Variants in CCDC186 observed in about 807,000 individuals in gnomAD.
CCDC186 encodes the protein coiled-coil domain containing 186.
In CCDC186, 49 loss-of-function variants were observed where a neutral mutation model predicts 113.7. That is an observed-to-expected ratio of 0.43 (90% CI 0.34 to 0.55). The LOEUF (loss-of-function observed/expected upper bound fraction) is 0.55. Among genes scored for constraint, CCDC186 ranks in the 20% least tolerant of loss-of-function variants. CCDC186 has a pLI of 0.02. For missense variants in CCDC186, 890 were observed against 1,011.1 expected (o/e 0.88, Z 1.62); for synonymous variants, 355 against 345.8 (o/e 1.03, Z -0.30).
chr10:114,125,290 C>A, intron 15 of CCDC186, 64 bp from the exon 16 acceptor site: 1 of 1,252,432 alleles, frequency 8.0e-7, no homozygotes, highest in Non-Finnish European at 1.1e-6. Context: ...TAAAACAATT[C>A]AGTTTGAACT....
At chr10:114,164,136 T>G (rs946996081) in intron 1 of CCDC186, among the ~76,000 whole-genome samples, 1 of 143,972 alleles carries the variant, frequency 6.9e-6, no homozygotes, top group Non-Finnish European at 1.5e-5. Flanking sequence ...TTTTTTTTTT[T>G]TGGGATAGAG....
At chr10:114,144,428 AAAAC>A in intron 6 of CCDC186, 65 bp downstream of exon 6, 1 of 1,530,452 alleles carries the variant, frequency 6.5e-7, no homozygotes, top group South Asian at 1.3e-5. Flanking sequence ...TCTCAAAAAA[AAAAC>A]AAAAACAAAA....
intron 6 of CCDC186, among the ~76,000 whole-genome samples, chr10:114,139,203 C>CT (rs78214340): frequency 0.12 from 15,671 of 134,122 alleles, 929 homozygotes; most frequent in Middle Eastern, 0.16. Flanking sequence ...CCCTTTGTTC[C>CT]TTTTTTTTTT....
intron 3 of CCDC186, among the ~76,000 whole-genome samples, chr10:114,156,606 A>T (rs1290626669): frequency 6.6e-6 from 1 of 152,198 alleles, no homozygotes; most frequent in Non-Finnish European, 1.5e-5. Context: ...GGCCGCCTAT[A>T]ATCCCAGGTA....
intron 4 of CCDC186, among the ~76,000 whole-genome samples, chr10:114,148,537 T>C (rs1040056156): frequency 2.0e-5 from 3 of 152,214 alleles, no homozygotes; most frequent in African/African-American, 7.2e-5. Flanking sequence ...ATATGAAGTG[T>C]AGCTTCTACA....
Position 114,157,659 on chromosome 10 carries a change from C to T in CCDC186, c.654G>A (p.Lys218=). The T allele has an allele frequency of 1.3e-6, 2 of 1,591,880 alleles. No individual in the cohort carries two copies. Among genetic ancestry groups the T allele is most frequent in the South Asian group, 2.3e-5 (2 of 86,878 alleles). Residue 218 remains lysine (K), a synonymous_variant, in exon 3 of 16, where the codon AAG becomes AAA. Transcript: ENST00000369287. The stretch of plus-strand genomic sequence containing the variant: ...AAATGTCTACGAAGAGCTCCTGATG[C>T]TTCTTATTTTCTTTAATTAACCTAA... The part of the protein sequence containing the change: ...IIKKLIKENK[K]HQELFVDICS...
chr10:114,145,018 T>C (rs2031591468), intron 5 of CCDC186, among the ~76,000 whole-genome samples: 1 of 152,096 alleles, frequency 6.6e-6, no homozygotes, highest in Admixed American at 6.5e-5. Flanking sequence ...CCTGGAAATA[T>C]GACCATTGAG....
intron 3 of CCDC186, among the ~76,000 whole-genome samples, chr10:114,155,114 T>C (rs113286754): frequency 1.3e-5 from 2 of 152,360 alleles, no homozygotes; most frequent in African/African-American, 4.8e-5. Context: ...AAGTGACTAC[T>C]AATGTGTGTT....
intron 4 of CCDC186, among the ~76,000 whole-genome samples, chr10:114,149,810 A>AAGGAAGGC (rs1478592932): frequency 2.0e-4 from 12 of 60,280 alleles, no homozygotes; most frequent in Admixed American, 6.7e-4. Flanking sequence ...GGAAGGAAGG[A>AAGGAAGGC]AGGAAGGCAG....
chr10:114,159,698 T>C (rs955342090), intron 2 of CCDC186, among the ~76,000 whole-genome samples: 11 of 150,490 alleles, frequency 7.3e-5, no homozygotes, highest in Non-Finnish European at 1.5e-4. Context: ...TGCATGCCTG[T>C]AATCCTGGCA....
chr10:114,170,229 G>A (rs2032453354), intron 1 of CCDC186, among the ~76,000 whole-genome samples: 2 of 151,876 alleles, frequency 1.3e-5, no homozygotes, highest in South Asian at 4.2e-4. Flanking sequence ...AAAACTGAGA[G>A]GGCTATTTCA....
At position 114,149,850 on chromosome 10, in the gene CCDC186, C is replaced by A. The variant is rs144110395; in HGVS notation, c.888+1242G>T. Among the ~76,000 whole-genome samples, 509 of 117,396 alleles carry A rather than the reference C, an allele frequency of 4.3e-3. 22 individuals carry two copies. The highest frequency in any genetic ancestry group is 0.019 in the African/African-American group (483 of 25,286). 77.0% of individuals were successfully genotyped at this position (117,396 alleles called of 152,430 possible). The stretch of plus-strand genomic sequence containing the variant: ...GCAGGAAGGCAGGAAGGCAGGCAGG[C>A]AGGCAGGAAGGCAGGCAGGCAGGCA... On this transcript the variant is annotated intron_variant, in intron 4 of 15. Coordinates refer to ENST00000369287, the MANE Select transcript of CCDC186 (RefSeq NM_018017.4).
intron 4 of CCDC186, 69 bp from the exon 5 acceptor site, chr10:114,145,830 G>T: frequency 1.5e-6 from 2 of 1,359,902 alleles, no homozygotes; most frequent in Non-Finnish European, 2.0e-6. Context: ...TGAAATACAT[G>T]GTATTTGTCT....
chr10:114,149,448 T>G (rs924419548), intron 4 of CCDC186, among the ~76,000 whole-genome samples: 1 of 152,008 alleles, frequency 6.6e-6, no homozygotes, highest in African/African-American at 2.4e-5. Flanking sequence ...GAAGACTTTT[T>G]CAAATGTTTG....
chr10:114,144,797 C>T (rs191169224), intron 5 of CCDC186, among the ~76,000 whole-genome samples, 181 bp from the exon 6 acceptor site: 281 of 152,072 alleles, frequency 1.8e-3, no homozygotes, highest in African/African-American at 6.3e-3. Flanking sequence ...ATCCTAAATC[C>T]AATTAATAGA....
intron 3 of CCDC186, among the ~76,000 whole-genome samples, 186 bp from the exon 4 acceptor site, chr10:114,151,406 ATTAAG>A: frequency 6.6e-6 from 1 of 152,212 alleles, no homozygotes; most frequent in Non-Finnish European, 1.5e-5. Flanking sequence ...TGGAGATTCC[ATTAAG>A]TTAAGGTATC....
In CCDC186 at chr10:114,124,853, C is replaced by T. The variant is rs2119667670; in HGVS notation, c.*290G>A. ...ATGAACAAAGGGTTTTTTATAAAAG[C>T]CCTTGTAATGTTCAACACTTCTTAT... is the stretch of plus-strand genomic sequence containing the variant. On this transcript the variant is annotated 3_prime_UTR_variant, in exon 16 of 16. Transcript: ENST00000369287. 1 of 278,198 alleles carries T rather than the reference C, an allele frequency of 3.6e-6. No individual in the cohort carries two copies. The highest frequency in any genetic ancestry group is 1.6e-4 in the South Asian group (1 of 6,198). 17.2% of individuals were successfully genotyped at this position (278,198 alleles called of 1,614,324 possible).
At chr10:114,167,266 G>A (rs1289134923) in intron 1 of CCDC186, among the ~76,000 whole-genome samples, 1 of 151,998 alleles carries the variant, frequency 6.6e-6, no homozygotes, top group Admixed American at 6.6e-5. Flanking sequence ...TGATCCACCC[G>A]CCTCGGCCTC....
chr10:114,163,788 G>T (rs1299326764), intron 1 of CCDC186, among the ~76,000 whole-genome samples: 1 of 151,822 alleles, frequency 6.6e-6, no homozygotes, highest in Non-Finnish European at 1.5e-5. Context: ...ACAAAACAAC[G>T]CACATTAAAG....
Sources: allele counts gnomAD v4.1 joint callset (sites outside exome capture counted in the v4.1 genomes callset), GRCh38; gene constraint gnomAD v4.1.1; transcripts MANE v1.5; gene names NCBI Gene and HGNC (gene_info 2026-07-23, HGNC 2026-07-21).